BACH2: variants seen among roughly 807,000 people sequenced by gnomAD.
BACH2 encodes the protein transcription regulator protein BACH2.
Under a neutral mutation model 61.8 loss-of-function variants are expected in BACH2, and 5 were observed. The ratio of observed to expected loss-of-function variants is 0.08; its 90% CI spans 0.04 to 0.17. The LOEUF is 0.17. Among genes scored for constraint, BACH2 ranks in the 10% least tolerant of loss-of-function variants. The pLI, the probability that BACH2 is intolerant of heterozygous loss-of-function variation, is 1.00. For synonymous variants in BACH2, 446 were observed against 440.1 expected (o/e 1.01, Z -0.17); for missense variants, 824 against 1,091.1 (o/e 0.76, Z 3.45).
intron 2 of BACH2, among the ~76,000 whole-genome samples, chr6:90,254,501 T>C (rs1331347298): frequency 6.6e-6 from 1 of 151,882 alleles, no homozygotes; most frequent in African/African-American, 2.4e-5. Flanking sequence ...GGAAGGTGGG[T>C]TTTAGGCCAC....
chr6:89,972,556 G>A (rs772533493), intron 6 of BACH2, among the ~76,000 whole-genome samples: 2 of 152,206 alleles, frequency 1.3e-5, no homozygotes, highest in African/African-American at 2.4e-5. Flanking sequence ...TAGGAATTAT[G>A]TACAGGTTCC....
intron 5 of BACH2, among the ~76,000 whole-genome samples, chr6:90,023,543 C>T (rs981222014): frequency 3.3e-5 from 5 of 152,142 alleles, no homozygotes; most frequent in Non-Finnish European, 7.3e-5. Flanking sequence ...ACCAATTAAA[C>T]CTCTTTTCTT....
intron 6 of BACH2, among the ~76,000 whole-genome samples, chr6:89,963,652 T>G (rs1774881005): frequency 6.6e-6 from 1 of 152,088 alleles, no homozygotes. Context: ...AGTATGAAGG[T>G]TCCTTAAAAA....
intron 3 of BACH2, among the ~76,000 whole-genome samples, chr6:90,212,431 A>G (rs1252023369): frequency 6.6e-6 from 1 of 152,148 alleles, no homozygotes; most frequent in Non-Finnish European, 1.5e-5. Flanking sequence ...TCCATCCTCA[A>G]AGTTACAGCA....
intron 4 of BACH2, among the ~76,000 whole-genome samples, chr6:90,124,943 T>C (rs551643597): frequency 3.9e-5 from 6 of 152,352 alleles, no homozygotes; most frequent in African/African-American, 1.4e-4. Context: ...TTAACCTTTG[T>C]CTATCTGATA....
At chr6:90,127,838 A>C (rs535593177) in intron 4 of BACH2, among the ~76,000 whole-genome samples, 2 of 152,328 alleles carry the variant, frequency 1.3e-5, no homozygotes, top group South Asian at 4.1e-4. Flanking sequence ...GGGACTTGAA[A>C]AATGAAGACC....
rs1777555617 is a variant in BACH2 at position 90,008,920 on chromosome 6, C to G, written c.-12-64G>C. On this transcript the variant is annotated intron_variant, in intron 5 of 8. Coordinates refer to ENST00000257749, the MANE Select transcript of BACH2 (RefSeq NM_021813.4). This position sits in a 1 kb window ranked among gnomAD's most constrained non-coding sequence, Gnocchi z 4.1. ...GGCTGAGTCACCACAGCTGTAGGATCAGAGAGAGGAGGTGAGAAAGAACAT... is the reference window on the plus strand; with the variant it reads ...GGCTGAGTCACCACAGCTGTAGGATGAGAGAGAGGAGGTGAGAAAGAACAT... 3.2e-6 allele frequency: 5 copies of G among 1,563,448 alleles called. No individual in the cohort carries two copies. The highest frequency in any genetic ancestry group is 2.7e-5 in the African/African-American group (2 of 73,548).
intron 4 of BACH2, among the ~76,000 whole-genome samples, chr6:90,117,678 A>C (rs1292028209): frequency 5.3e-5 from 8 of 152,120 alleles, no homozygotes; most frequent in Admixed American, 3.9e-4. Context: ...ATTATGAACA[A>C]AGGAACTAAT....
intron 3 of BACH2, among the ~76,000 whole-genome samples, chr6:90,216,001 A>C (rs1769522483): frequency 6.6e-6 from 1 of 152,236 alleles, no homozygotes; most frequent in African/African-American, 2.4e-5. Flanking sequence ...GGATGACTGC[A>C]CACTGATGTT....
chr6:90,133,012 G>C (rs564284359), intron 4 of BACH2, among the ~76,000 whole-genome samples: 41 of 152,134 alleles, frequency 2.7e-4, no homozygotes, highest in Non-Finnish European at 5.3e-4. Context: ...TCACTCACTT[G>C]GTGATAAGTA....
intron 5 of BACH2, among the ~76,000 whole-genome samples, chr6:90,063,801 T>C (rs1037134326): frequency 6.6e-6 from 1 of 152,226 alleles, no homozygotes; most frequent in African/African-American, 2.4e-5. Flanking sequence ...TGGATACCGA[T>C]AGATATCTGA....
At chr6:90,231,675 T>A (rs940343768) in intron 3 of BACH2, among the ~76,000 whole-genome samples, 2 of 152,206 alleles carry the variant, frequency 1.3e-5, no homozygotes, top group Non-Finnish European at 2.9e-5. Flanking sequence ...AAATGCAATT[T>A]GAAATGTCAG....
intron 6 of BACH2, among the ~76,000 whole-genome samples, chr6:89,973,017 A>G (rs535661356): frequency 5.5e-4 from 84 of 152,216 alleles, no homozygotes; most frequent in African/African-American, 2.0e-3. Context: ...TTGAAACCGG[A>G]AGGCAGAGGT....
chr6:90,288,757 A>T (rs988774422), intron 1 of BACH2, among the ~76,000 whole-genome samples: 2 of 152,190 alleles, frequency 1.3e-5, no homozygotes, highest in Admixed American at 1.3e-4. Flanking sequence ...TCTAATTAGG[A>T]TTTCTGATGG....
intron 5 of BACH2, among the ~76,000 whole-genome samples, chr6:90,043,161 A>T (rs1396710175): frequency 1.3e-5 from 2 of 152,172 alleles, no homozygotes; most frequent in Non-Finnish European, 2.9e-5. Context: ...GTTGAAATAA[A>T]TTGTTGCTTC....
chr6:89,944,375 G>A (rs565109123), intron 7 of BACH2, among the ~76,000 whole-genome samples: 9 of 152,282 alleles, frequency 5.9e-5, no homozygotes, highest in South Asian at 2.1e-4. Context: ...ACATGGTTTC[G>A]TCTTACAGAC....
At chr6:90,098,444 G>A (rs1281792904) in intron 4 of BACH2, among the ~76,000 whole-genome samples, 1 of 152,164 alleles carries the variant, frequency 6.6e-6, no homozygotes, top group Non-Finnish European at 1.5e-5. Flanking sequence ...CAAAAATTAG[G>A]AGTGCCAGAC....
chr6:90,004,573 T>G (rs1373164773), intron 6 of BACH2, among the ~76,000 whole-genome samples: 1 of 152,208 alleles, frequency 6.6e-6, no homozygotes, highest in Non-Finnish European at 1.5e-5. Context: ...ATAGTGTTGA[T>G]GTGCAAACCC....
chr6:90,005,756 T>G (rs1031190972), intron 6 of BACH2, among the ~76,000 whole-genome samples: 72 of 152,322 alleles, frequency 4.7e-4, no homozygotes, highest in African/African-American at 1.4e-3. Flanking sequence ...TACTTAGAGC[T>G]GGATTACTGA....
Sources: gnomAD v4.1 joint callset for allele counts (sites outside exome capture counted in the v4.1 genomes callset) on GRCh38, gnomAD v4.1.1 for gene constraint, Gnocchi (gnomAD v3.1) non-coding constraint, MANE v1.5 for transcripts, NCBI Gene and HGNC (gene_info 2026-07-23, HGNC 2026-07-21) for gene names.